PDZD2: variants seen among roughly 807,000 people sequenced by gnomAD.
PDZD2 encodes PDZ domain-containing protein 2.
Under a neutral mutation model 220.7 loss-of-function variants are expected in PDZD2, and 90 were observed. The ratio of observed to expected loss-of-function variants is 0.41; its 90% CI spans 0.34 to 0.49. The LOEUF (loss-of-function observed/expected upper bound fraction) is 0.49, where lower values mean the gene tolerates loss of function less well. Among genes scored for constraint, PDZD2 ranks in the 20% least tolerant of loss-of-function variants. The pLI, the probability that PDZD2 is intolerant of heterozygous loss-of-function variation, is 0.28. For missense variants in PDZD2, 3,174 were observed against 3,608.5 expected, an observed-to-expected ratio of 0.88 and a Z score of 3.08; for synonymous variants, 1,375 against 1,450.5, an observed-to-expected ratio of 0.95 and a Z score of 1.18.
At chr5:31,774,004 C>T (rs1346659185) in intron 1 of PDZD2, among the ~76,000 whole-genome samples, 2 of 152,148 alleles carry the variant, frequency 1.3e-5, no homozygotes, top group Admixed American at 1.3e-4. Context: ...CACAGAGTCC[C>T]AGGGTGACCT....
At chr5:31,751,555 G>A (rs1374691361) in intron 1 of PDZD2, among the ~76,000 whole-genome samples, 1 of 151,694 alleles carries the variant, frequency 6.6e-6, no homozygotes, top group Non-Finnish European at 1.5e-5. Flanking sequence ...ATGATGGTAA[G>A]CCCATGTGTT....
At chr5:31,737,334 A>C (rs78059476) in intron 1 of PDZD2, among the ~76,000 whole-genome samples, 3 of 151,042 alleles carry the variant, frequency 2.0e-5, no homozygotes, top group South Asian at 2.1e-4. Context: ...CACCACGCCC[A>C]GCTAATTTGT....
In PDZD2 at chr5:31,816,287, C is replaced by CAAAAAAAAAAAAAAAAAA. The variant is rs34233316; in HGVS notation, c.476+16578_476+16579insAAAAAAAAAAAAAAAAAA. Among the ~76,000 whole-genome samples, 170 of 98,952 alleles carry CAAAAAAAAAAAAAAAAAA rather than the reference C, an allele frequency of 1.7e-3. 5 individuals carry two copies. The highest frequency in any genetic ancestry group is 6.4e-3 in the African/African-American group (151 of 23,746). 64.9% of individuals were successfully genotyped at this position (98,952 alleles called of 152,430 possible). A position where few individuals can be genotyped will look rare whatever the true frequency, so the allele number is the denominator to read the frequency against. ...TGGGCGACAGAGCGAGACTCCATCTCAAAAAAAAAAAAAAAGATGACTGGG... is the reference window on the plus strand; with the variant it reads ...TGGGCGACAGAGCGAGACTCCATCTCAAAAAAAAAAAAAAAAAAAAAAAAAAAAAAAAAGATGACTGGG... On this transcript the variant is annotated intron_variant, in intron 2 of 24. Coordinates refer to ENST00000438447, the MANE Select transcript of PDZD2 (RefSeq NM_178140.4).
chr5:32,054,797 A>G (rs1314131086), intron 10 of PDZD2, among the ~76,000 whole-genome samples: 2 of 152,330 alleles, frequency 1.3e-5, no homozygotes, highest in East Asian at 3.9e-4. Context: ...AAACACTTAA[A>G]AAGCAATTCC....
intron 2 of PDZD2, among the ~76,000 whole-genome samples, chr5:31,840,016 G>C (rs911715524): frequency 6.6e-6 from 1 of 152,044 alleles, no homozygotes; most frequent in African/African-American, 2.4e-5. Context: ...CCAGTCCCAG[G>C]CAGTTCTTTA....
At chr5:31,840,401 T>A (rs1757201209) in intron 2 of PDZD2, 1 of 10,232 alleles carries the variant, frequency 9.8e-5, no homozygotes, top group Non-Finnish European at 2.1e-4. Flanking sequence ...TTTCATTATA[T>A]ATATATATAT....
chr5:31,832,041 G>A (rs746436217), intron 2 of PDZD2, among the ~76,000 whole-genome samples: 34 of 151,832 alleles, frequency 2.2e-4, no homozygotes, highest in Non-Finnish European at 7.4e-5. Context: ...CTGACTTTTA[G>A]TAGGTTTTTG....
At chr5:31,789,687 G>T (rs560814181) in intron 1 of PDZD2, among the ~76,000 whole-genome samples, 1 of 152,362 alleles carries the variant, frequency 6.6e-6, no homozygotes, top group African/African-American at 2.4e-5. Flanking sequence ...CCAGCACTTT[G>T]GGAGGCCGAG....
chr5:31,864,633 C>A (rs1213860695), intron 2 of PDZD2, among the ~76,000 whole-genome samples: 1 of 151,950 alleles, frequency 6.6e-6, no homozygotes, highest in Non-Finnish European at 1.5e-5. Flanking sequence ...GATTCTCCTG[C>A]ATCAGCCTCC....
intron 1 of PDZD2, among the ~76,000 whole-genome samples, chr5:31,773,195 C>T (rs556270873): frequency 6.6e-6 from 1 of 152,314 alleles, no homozygotes; most frequent in Non-Finnish European, 1.5e-5. Flanking sequence ...AGACCATAAA[C>T]TGGTTCCAAA....
At chr5:32,062,039 G>C (rs921740907) in intron 14 of PDZD2, among the ~76,000 whole-genome samples, 10 of 152,148 alleles carry the variant, frequency 6.6e-5, no homozygotes, top group African/African-American at 2.4e-4. Flanking sequence ...GGGATTAAAG[G>C]TGTGAGCCAC....
At chr5:31,930,345 A>G (rs1243630817) in intron 2 of PDZD2, among the ~76,000 whole-genome samples, 3 of 151,548 alleles carry the variant, frequency 2.0e-5, no homozygotes, top group Non-Finnish European at 4.4e-5. Flanking sequence ...AGCTGGGACT[A>G]CACCACGCCC....
In PDZD2 at chr5:31,812,761, A is replaced by G. The variant is rs373116708; in HGVS notation, c.476+13037A>G. Among the ~76,000 whole-genome samples, 206 of 152,366 alleles carry G rather than the reference A, an allele frequency of 1.4e-3. 7 individuals are homozygous for G. The South Asian group carries it at 0.04, about 29-fold the overall frequency. On this transcript the variant is annotated intron_variant, in intron 2 of 24. Coordinates refer to ENST00000438447, the MANE Select transcript of PDZD2 (RefSeq NM_178140.4). ...AATTTCTTATTTTTATTTTTAATAT[A>G]CAGAGATGAGGGTCTCACTATGTTG...
At chr5:31,686,338 A>G (rs1746858787) in intron 1 of PDZD2, among the ~76,000 whole-genome samples, 1 of 151,822 alleles carries the variant, frequency 6.6e-6, no homozygotes, top group African/African-American at 2.4e-5. Context: ...ATATCTATAT[A>G]CATATTTTAA....
chr5:31,962,725 C>CT (rs1403087955), intron 2 of PDZD2, among the ~76,000 whole-genome samples: 1 of 152,214 alleles, frequency 6.6e-6, no homozygotes, highest in African/African-American at 2.4e-5. Context: ...GCCCCTGTAT[C>CT]TGTGAAGAGT....
intron 7 of PDZD2, among the ~76,000 whole-genome samples, chr5:32,042,326 C>T (rs1205977616): frequency 6.6e-6 from 1 of 151,288 alleles, no homozygotes; most frequent in Non-Finnish European, 1.5e-5. Flanking sequence ...CTTTGGGAGG[C>T]CGAGGCGGGT....
intron 2 of PDZD2, among the ~76,000 whole-genome samples, chr5:31,853,085 T>C (rs1488245008): frequency 2.0e-5 from 3 of 152,172 alleles, no homozygotes; most frequent in African/African-American, 4.8e-5. Context: ...ATAAAACTTA[T>C]AGGATGCTAA....
chr5:31,660,401 G>A (rs942738273), intron 1 of PDZD2, among the ~76,000 whole-genome samples: 1 of 152,006 alleles, frequency 6.6e-6, no homozygotes, highest in African/African-American at 2.4e-5. Context: ...ACACTGCTAT[G>A]AAGAAATACC....
Position 32,022,773 on chromosome 5 carries a change from T to C in PDZD2, c.1407+12291T>C, listed in dbSNP as rs1394258834. Among the ~76,000 whole-genome samples the C allele has an allele frequency of 2.0e-5, 3 of 152,246 alleles. No homozygotes were observed. In the East Asian group the frequency reaches 5.8e-4, roughly 29 times the overall value. On this transcript the variant is annotated intron_variant, in intron 6 of 24. Transcript: ENST00000438447. The stretch of plus-strand genomic sequence containing the variant: ...AATCCACAAAGTCTATTGAGCAAAA[T>C]GTTCAGCCCATGCTTCTAGTTTCAG...
Sources: allele counts gnomAD v4.1 joint callset (sites outside exome capture counted in the v4.1 genomes callset), GRCh38; gene constraint gnomAD v4.1.1; transcripts MANE v1.5; gene names NCBI Gene and HGNC (gene_info 2026-07-23, HGNC 2026-07-21).